RIPK1: variants seen among roughly 807,000 people sequenced by gnomAD.
The protein encoded by RIPK1 is receptor interacting serine/threonine kinase 1.
Under a neutral mutation model 62.4 loss-of-function variants are expected in RIPK1, and 27 were observed. The observed-to-expected ratio is 0.43, with a 90% CI of 0.32 to 0.60. The LOEUF is 0.60. Ranked by LOEUF, RIPK1 falls within the 20% of genes least tolerant of loss-of-function variation. The pLI is 0.07. For synonymous variants in RIPK1, 287 were observed against 303.2 expected (o/e 0.95, Z 0.55); for missense variants, 735 against 831.0 (o/e 0.88, Z 1.42).
chr6:3,104,433 C>A, intron 8 of RIPK1, 118 bp downstream of exon 8: 1 of 589,350 alleles, frequency 1.7e-6, no homozygotes, highest in Non-Finnish European at 3.1e-6. Context: ...AAAGTGAACA[C>A]CTGCCTTACA....
chr6:3,089,523 A>G, intron 6 of RIPK1, 58 bp from the exon 7 acceptor site: 2 of 868,216 alleles, frequency 2.3e-6, no homozygotes, highest in South Asian at 1.5e-5. Flanking sequence ...GATGGCTAAT[A>G]TTTTTATTTT....
At chr6:3,082,297 C>T (rs1759431813) in intron 4 of RIPK1, among the ~76,000 whole-genome samples, 1 of 152,242 alleles carries the variant, frequency 6.6e-6, no homozygotes. Flanking sequence ...TCTTCAAATT[C>T]ATGACTTCCC....
chr6:3,068,460 A>T (rs1304369222), upstream of RIPK1: 1 of 985,220 alleles, frequency 1.0e-6, no homozygotes, highest in Non-Finnish European at 1.2e-6. Flanking sequence ...CCTCCCCGGC[A>T]AGGGCCGGGG....
chr6:3,069,960 G>A (rs1032907498), intron 1 of RIPK1, among the ~76,000 whole-genome samples: 1 of 152,032 alleles, frequency 6.6e-6, no homozygotes, highest in Non-Finnish European at 1.5e-5. Context: ...GCAGTGAGCC[G>A]AGATTGCCAC....
chr6:3,080,799 GC>G (rs3830793), intron 3 of RIPK1, among the ~76,000 whole-genome samples, 179 bp from the exon 4 acceptor site: 14,107 of 147,222 alleles, frequency 0.096, 1,545 homozygotes, highest in African/African-American at 0.27. Context: ...AATACCCTCT[GC>G]CCCCCCCCGA....
intron 7 of RIPK1, among the ~76,000 whole-genome samples, chr6:3,098,736 T>A (rs1325338229): frequency 2.0e-5 from 3 of 152,196 alleles, no homozygotes; most frequent in African/African-American, 7.2e-5. Flanking sequence ...AAGGTGAGTC[T>A]TTGCAGGTTG....
At chr6:3,087,225 A>C (rs1226097708) in intron 6 of RIPK1, among the ~76,000 whole-genome samples, 1 of 152,016 alleles carries the variant, frequency 6.6e-6, no homozygotes, top group African/African-American at 2.4e-5. Context: ...TATTCTGTTT[A>C]GGTTTTGCTC....
rs1457615845 is a variant in RIPK1 at position 3,114,455 on chromosome 6, T to G, written c.*1116T>G. 6.6e-6 allele frequency: 1 copy of G among 152,224 alleles called. No homozygotes were observed. Among genetic ancestry groups the G allele is most frequent in the African/African-American group, 2.4e-5 (1 of 41,442 alleles). The allele number at this position is 152,224 out of a possible 1,614,324, so 9.4% of individuals were successfully genotyped here. On this transcript the variant is annotated 3_prime_UTR_variant, in exon 11 of 11. Transcript: ENST00000259808. The surrounding 1 kb of genome is among the most constrained non-coding windows in gnomAD (Gnocchi z 5.0). ...CTGGGGGTGGATGAAAGAACTAGAATAGAAGACTGAAGCTGGGTAGGCCGC... is the reference window on the plus strand; with the variant it reads ...CTGGGGGTGGATGAAAGAACTAGAAGAGAAGACTGAAGCTGGGTAGGCCGC...
intron 7 of RIPK1, among the ~76,000 whole-genome samples, chr6:3,090,488 A>G (rs535547674): frequency 1.3e-5 from 2 of 152,192 alleles, no homozygotes; most frequent in Non-Finnish European, 2.9e-5. Flanking sequence ...ATATTTCATA[A>G]TGATAAAAGG....
chr6:3,101,218 A>C (rs895164806), intron 7 of RIPK1, among the ~76,000 whole-genome samples: 52 of 152,162 alleles, frequency 3.4e-4, no homozygotes, highest in African/African-American at 1.2e-3. Context: ...TTGAGCCTGC[A>C]CTCTAGCCTG....
At position 3,105,476 on chromosome 6, in the gene RIPK1, T is replaced by C. The variant is rs1465513925; in HGVS notation, c.1007-6T>C. 2.0e-6 allele frequency: 3 copies of C among 1,524,576 alleles called. No homozygotes were observed. The highest frequency in any genetic ancestry group is 4.5e-5 in the Admixed American group (2 of 44,398). The allele number at this position is 1,524,576 out of a possible 1,614,324, so 94.4% of individuals were successfully genotyped here. A position where few individuals can be genotyped will look rare whatever the true frequency, so the allele number is the denominator to read the frequency against. On this transcript the variant is annotated splice_region_variant and splice_polypyrimidine_tract_variant and intron_variant, in intron 8 of 10. Transcript: ENST00000259808. The surrounding 1 kb of genome is among the most constrained non-coding windows in gnomAD (Gnocchi z 4.5). ...ACCCATTCTAATGTTGATCATTTCT[T>C]CTCAGCCACAGAACAGCCTGGTTCA...
chr6:3,068,126 A>T, upstream of RIPK1: 1 of 798,646 alleles, frequency 1.3e-6, no homozygotes, highest in Non-Finnish European at 1.5e-6. Flanking sequence ...CTTCACAATT[A>T]CCATTTTAAA....
upstream of RIPK1, among the ~76,000 whole-genome samples, chr6:3,064,229 C>T (rs1758280606): frequency 6.6e-6 from 1 of 152,032 alleles, no homozygotes; most frequent in Non-Finnish European, 1.5e-5. Context: ...GGGGGGTCCC[C>T]TGCAGCGCGC....
rs1414136784 is a variant in RIPK1 at position 3,105,543 on chromosome 6, G to C, written c.1068G>C (p.Glu356Asp). ...GACTTGGGATGGGTCCTGTGGAGGAGTCCTGGTTTGCTCCTTCCCTGGAGC... is the reference window on the plus strand; with the variant it reads ...GACTTGGGATGGGTCCTGTGGAGGACTCCTGGTTTGCTCCTTCCCTGGAGC... ...SQGLGMGPVE[E>D]SWFAPSLEHP... The change falls in exon 9 of 11, where the codon GAG becomes GAC. Residue 356 changes from glutamate to aspartate, a missense_variant. This residue lies in a region of RIPK1 where 671 missense variants were observed against 726.2 expected (regional missense o/e 0.92). Transcript: ENST00000259808. This position sits in a 1 kb window ranked among gnomAD's most constrained non-coding sequence, Gnocchi z 4.5. The C allele has an allele frequency of 3.7e-6, 6 of 1,607,828 alleles. No homozygotes were observed. The highest frequency in any genetic ancestry group is 5.1e-6 in the Non-Finnish European group (6 of 1,176,734).
intron 4 of RIPK1, among the ~76,000 whole-genome samples, chr6:3,081,987 A>T (rs552312494): frequency 6.6e-6 from 1 of 151,302 alleles, no homozygotes; most frequent in African/African-American, 2.4e-5. Context: ...GTATTTTAAA[A>T]ATCAGTTTCC....
chr6:3,064,512 C>T (rs1241916657), upstream of RIPK1, among the ~76,000 whole-genome samples: 3 of 152,236 alleles, frequency 2.0e-5, no homozygotes, highest in Non-Finnish European at 4.4e-5. Context: ...GGATGGGGCC[C>T]TTCCTTCCCC....
intron 7 of RIPK1, among the ~76,000 whole-genome samples, chr6:3,101,499 A>G (rs1440084191): frequency 6.6e-6 from 1 of 152,190 alleles, no homozygotes; most frequent in Non-Finnish European, 1.5e-5. Context: ...ATAGAATGCT[A>G]CAAAGTGTGA....
At chr6:3,104,835 G>A (rs1479597266) in intron 8 of RIPK1, among the ~76,000 whole-genome samples, 3 of 151,668 alleles carry the variant, frequency 2.0e-5, no homozygotes, top group African/African-American at 2.4e-5. Flanking sequence ...GAATTCATGG[G>A]ACATGCTTAG....
intron 6 of RIPK1, among the ~76,000 whole-genome samples, chr6:3,087,295 T>C (rs891562151): frequency 6.6e-6 from 1 of 152,192 alleles, no homozygotes; most frequent in Non-Finnish European, 1.5e-5. Context: ...TTTCAGCCAT[T>C]ATTTCTGTAA....
Sources: gnomAD v4.1 joint callset for allele counts (sites outside exome capture counted in the v4.1 genomes callset) on GRCh38, gnomAD v4.1.1 for gene constraint, gnomAD v4.1.1 regional missense constraint, Gnocchi (gnomAD v3.1) non-coding constraint, MANE v1.5 for transcripts, NCBI Gene and HGNC (gene_info 2026-07-23, HGNC 2026-07-21) for gene names.